VTCN1: variants seen among roughly 807,000 people sequenced by gnomAD.
VTCN1 encodes the protein V-set domain containing T cell activation inhibitor 1.
VTCN1 carries 26 observed loss-of-function variants against 26.5 expected under a neutral mutation model. The observed-to-expected ratio is 0.98, with a 90% CI of 0.72 to 1.36. VTCN1 has a LOEUF of 1.36. Ranked by LOEUF, VTCN1 falls within the 40% of genes most tolerant of loss-of-function variation. VTCN1 has a pLI of 0.00. For missense variants in VTCN1, 298 were observed against 337.7 expected, an observed-to-expected ratio of 0.88 and a Z score of 0.92; for synonymous variants, 116 against 130.7, an observed-to-expected ratio of 0.89 and a Z score of 0.77.
Position 117,156,886 on chromosome 1 carries a change from C to G in VTCN1, c.133G>C (p.Ala45Pro). Residue 45 changes from alanine to proline, a missense_variant, in exon 3 of 6, where the codon GCT (alanine) becomes CCT (proline). Transcript: ENST00000369458. ...HSITVTTVAS[A>P]GNIGEDGILS... Reference sequence around the variant, plus strand: ...ATTCCATCCTCCCCAATGTTCCCAGCTGAGGCGACAGTAGTGACTGTGATG... The same window carrying G: ...ATTCCATCCTCCCCAATGTTCCCAGGTGAGGCGACAGTAGTGACTGTGATG... 1 of 1,614,076 alleles carries G rather than the reference C, an allele frequency of 6.2e-7. No homozygotes were observed. Among genetic ancestry groups the G allele is most frequent in the Non-Finnish European group, 8.5e-7 (1 of 1,180,022 alleles).
Position 117,183,835 on chromosome 1 carries a change from A to T in VTCN1, c.33-13664T>A, listed in dbSNP as rs1057305823. On this transcript the variant is annotated intron_variant, in intron 1 of 5. Transcript: ENST00000369458. This position sits in a 1 kb window ranked among gnomAD's most constrained non-coding sequence, Gnocchi z 4.1. The stretch of plus-strand genomic sequence containing the variant: ...CCACACACACATTTTTGGGTACTTC[A>T]TTTTTGCCAGCAAGAAAAATGAGGG... Among the ~76,000 whole-genome samples, 2 of 152,218 alleles carry T rather than the reference A, an allele frequency of 1.3e-5. No individual in the cohort carries two copies. The highest frequency in any genetic ancestry group is 2.9e-5 in the Non-Finnish European group (2 of 68,028).
chr1:117,206,559 G>C (rs1170725243), intron 1 of VTCN1, among the ~76,000 whole-genome samples: 1 of 152,176 alleles, frequency 6.6e-6, no homozygotes, highest in Admixed American at 6.5e-5. Context: ...GAATCCAGAT[G>C]CACAGCCATA....
At chr1:117,198,551 C>T (rs548933390) in intron 1 of VTCN1, among the ~76,000 whole-genome samples, 192 of 152,286 alleles carry the variant, frequency 1.3e-3, no homozygotes, top group African/African-American at 4.4e-3. Flanking sequence ...CAAATTCTGG[C>T]TACGTGTGCC....
At chr1:117,165,565 C>T (rs1020527811) in intron 2 of VTCN1, among the ~76,000 whole-genome samples, 1 of 152,074 alleles carries the variant, frequency 6.6e-6, no homozygotes, top group African/African-American at 2.4e-5. Flanking sequence ...TGGCACCTCC[C>T]CACCACTCTC....
In VTCN1 at chr1:117,169,977, G is replaced by A; in HGVS notation, c.97+130C>T. The stretch of plus-strand genomic sequence containing the variant: ...TAATGTAGAGAAAGCACAAGAAGTA[G>A]AAGAATGAATGCTATACTCTGAGGT... On this transcript the variant is annotated intron_variant, in intron 2 of 5. Coordinates refer to ENST00000369458, the MANE Select transcript of VTCN1 (RefSeq NM_024626.4). The surrounding 1 kb of genome is among the most constrained non-coding windows in gnomAD (Gnocchi z 4.0). 1.3e-6 allele frequency: 1 copy of A among 781,358 alleles called. No individual in the cohort carries two copies. The highest frequency in any genetic ancestry group is 2.2e-6 in the Non-Finnish European group (1 of 460,384). 48.4% of individuals were successfully genotyped at this position (781,358 alleles called of 1,614,324 possible).
intron 1 of VTCN1, among the ~76,000 whole-genome samples, chr1:117,180,625 C>G (rs17036916): frequency 0.055 from 8,424 of 152,276 alleles, 734 homozygotes; most frequent in African/African-American, 0.19. Context: ...GCCTAATTGT[C>G]TGTCTTCCAA....
At chr1:117,151,137 G>A (rs1025709001) in intron 4 of VTCN1, among the ~76,000 whole-genome samples, 2 of 151,798 alleles carry the variant, frequency 1.3e-5, no homozygotes, top group African/African-American at 2.4e-5. Context: ...CCCAGAAGCA[G>A]GACTGTTAGA....
chr1:117,201,080 C>T (rs183416952), intron 1 of VTCN1, among the ~76,000 whole-genome samples: 4 of 152,254 alleles, frequency 2.6e-5, no homozygotes, highest in East Asian at 1.9e-4. Context: ...CCTGCCCAGA[C>T]AATTCTATAC....
Position 117,143,923 on chromosome 1 carries a change from A to G in VTCN1, c.*1348T>C, listed in dbSNP as rs1651381082. The G allele has an allele frequency of 6.6e-6, 1 of 152,234 alleles. No individual in the cohort carries two copies. The highest frequency in any genetic ancestry group is 2.4e-5 in the African/African-American group (1 of 41,466). The allele number at this position is 152,234 out of a possible 1,614,324, so 9.4% of individuals were successfully genotyped here. A position where few individuals can be genotyped will look rare whatever the true frequency, so the allele number is the denominator to read the frequency against. On this transcript the variant is annotated 3_prime_UTR_variant, in exon 6 of 6. Transcript: ENST00000369458. ...AGAAAACCTGAGCTAGAACTCAGGC[A>G]TTTCTCTTACAGAACTTGGCTTGCA...
intron 1 of VTCN1, among the ~76,000 whole-genome samples, chr1:117,184,230 A>C (rs1647821638): frequency 6.6e-6 from 1 of 152,124 alleles, no homozygotes; most frequent in African/African-American, 2.4e-5. Flanking sequence ...GCTGTGCAGC[A>C]GTCCAAGCTA....
chr1:117,194,106 T>A (rs770883952), intron 1 of VTCN1, among the ~76,000 whole-genome samples: 19 of 152,110 alleles, frequency 1.2e-4, no homozygotes, highest in Non-Finnish European at 2.4e-4. Flanking sequence ...AGAAAATATT[T>A]GCAAACCATA....
At chr1:117,176,628 G>A (rs1199803962) in intron 1 of VTCN1, among the ~76,000 whole-genome samples, 1 of 152,134 alleles carries the variant, frequency 6.6e-6, no homozygotes, top group Non-Finnish European at 1.5e-5. Context: ...ATTGATAAAT[G>A]TTTAAAACCC....
chr1:117,186,649 C>A (rs1406408734), intron 1 of VTCN1, among the ~76,000 whole-genome samples: 1 of 152,096 alleles, frequency 6.6e-6, no homozygotes, highest in Non-Finnish European at 1.5e-5. Flanking sequence ...GGATGGGGCC[C>A]CTTATTTTCC....
chr1:117,174,498 G>C (rs1329146874), intron 1 of VTCN1, among the ~76,000 whole-genome samples: 1 of 152,228 alleles, frequency 6.6e-6, no homozygotes, highest in African/African-American at 2.4e-5. Context: ...CAGGCGCGGT[G>C]ACTCACGGCT....
In VTCN1 at chr1:117,204,563, G is replaced by C. The variant is rs934694700; in HGVS notation, c.32+6261C>G. 1.6e-4 allele frequency among the ~76,000 whole-genome samples: 25 copies of C among 152,062 alleles called. 1 individual carries two copies. Among genetic ancestry groups the C allele is most frequent in the Admixed American group, 1.6e-3 (24 of 15,250 alleles). ...TAGCTAGGGTCCCTGGGCAATATAG[G>C]ATCTTGAAAAAACCCTGTTTTGGCC... is the stretch of plus-strand genomic sequence containing the variant. On this transcript the variant is annotated intron_variant, in intron 1 of 5. Transcript: ENST00000369458.
At chr1:117,203,417 G>A (rs1205228574) in intron 1 of VTCN1, among the ~76,000 whole-genome samples, 1 of 152,140 alleles carries the variant, frequency 6.6e-6, no homozygotes, top group Admixed American at 6.5e-5. Context: ...ATCTTTCATG[G>A]TTTTTATCTA....
At chr1:117,178,068 TA>T (rs1488441089) in intron 1 of VTCN1, among the ~76,000 whole-genome samples, 5 of 151,318 alleles carry the variant, frequency 3.3e-5, no homozygotes, top group African/African-American at 4.9e-5. Flanking sequence ...CTCCCCCAAG[TA>T]GCTGGGACTA....
At position 117,170,946 on chromosome 1, in the gene VTCN1, G is replaced by A. The variant is rs572612187; in HGVS notation, c.33-775C>T. Among the ~76,000 whole-genome samples, 9 of 152,170 alleles carry A rather than the reference G, an allele frequency of 5.9e-5. No homozygotes were observed. The South Asian group carries it at 1.2e-3, about 21-fold the overall frequency. Reference sequence around the variant, plus strand: ...GGTGGTTTGCTGCACCTATCAACCCGTCATCTAGGTTTTAAGACCTGCATG... The same window carrying A: ...GGTGGTTTGCTGCACCTATCAACCCATCATCTAGGTTTTAAGACCTGCATG... On this transcript the variant is annotated intron_variant, in intron 1 of 5. Coordinates refer to ENST00000369458, the MANE Select transcript of VTCN1 (RefSeq NM_024626.4).
intron 1 of VTCN1, among the ~76,000 whole-genome samples, chr1:117,202,524 G>C (rs1294585069): frequency 6.6e-6 from 1 of 152,194 alleles, no homozygotes; most frequent in African/African-American, 2.4e-5. Context: ...GTGATTAGAG[G>C]CACTGACCGG....
Sources: allele counts gnomAD v4.1 joint callset (sites outside exome capture counted in the v4.1 genomes callset), GRCh38; gene constraint gnomAD v4.1.1; non-coding constraint Gnocchi (gnomAD v3.1); transcripts MANE v1.5; gene names NCBI Gene and HGNC (gene_info 2026-07-23, HGNC 2026-07-21).